Variants in RTF1 observed in about 807,000 individuals in gnomAD.
RTF1 encodes the protein RNA polymerase-associated protein RTF1 homolog.
A neutral mutation model predicts 95.7 loss-of-function variants in RTF1; 10 were observed. That is an observed-to-expected ratio of 0.10 (90% confidence interval 0.06 to 0.18). The LOEUF (loss-of-function observed/expected upper bound fraction) is 0.18, where lower values mean the gene tolerates loss of function less well. RTF1 is among the 10% of genes least tolerant of loss of function. RTF1 has a pLI of 1.00. For missense variants in RTF1, 458 were observed against 875.6 expected, an observed-to-expected ratio of 0.52 and a Z score of 6.02; for synonymous variants, 305 against 311.8, an observed-to-expected ratio of 0.98 and a Z score of 0.23.
intron 2 of RTF1, among the ~76,000 whole-genome samples, chr15:41,446,447 TC>T (rs1160831532): frequency 6.6e-6 from 1 of 151,900 alleles, no homozygotes; most frequent in Admixed American, 6.6e-5. Flanking sequence ...ACGCCTGTAG[TC>T]CCAGCTACTC....
At chr15:41,438,200 A>G (rs553259983) in intron 1 of RTF1, 121 bp from the exon 2 acceptor site, 7 of 558,860 alleles carry the variant, frequency 1.3e-5, no homozygotes, top group Non-Finnish European at 2.2e-5. Flanking sequence ...TCCCTGTGAC[A>G]ATGTCCTTTA....
At chr15:41,420,121 G>A (rs528080412) in intron 1 of RTF1, among the ~76,000 whole-genome samples, 13 of 152,058 alleles carry the variant, frequency 8.5e-5, no homozygotes, top group African/African-American at 3.1e-4. Context: ...GTGCTTGGCC[G>A]GAATTGCAAT....
In RTF1 at chr15:41,449,227, A is replaced by ATTTTTTTTTT. The variant is rs34660598; in HGVS notation, c.310-3662_310-3653dup. Among the ~76,000 whole-genome samples, 99 of 109,282 alleles carry ATTTTTTTTTT rather than the reference A, an allele frequency of 9.1e-4. 3 individuals are homozygous for ATTTTTTTTTT. The highest frequency in any genetic ancestry group is 3.6e-3 in the African/African-American group (95 of 26,386). The allele number at this position is 109,282 out of a possible 152,430, so 71.7% of individuals were successfully genotyped here. A position where few individuals can be genotyped will look rare whatever the true frequency, so the allele number is the denominator to read the frequency against. Reference sequence around the variant, plus strand: ...TTGTCCCTGTTGTGGAGGCAGGTGAATTTTTTTTTTTTTTTTTTTTTGAGA... The same window carrying ATTTTTTTTTT: ...TTGTCCCTGTTGTGGAGGCAGGTGAATTTTTTTTTTTTTTTTTTTTTTTTTTTTTTTGAGA... On this transcript the variant is annotated intron_variant, in intron 2 of 17. Transcript: ENST00000389629.
intron 5 of RTF1, among the ~76,000 whole-genome samples, chr15:41,465,922 G>A (rs1566846700): frequency 6.6e-6 from 1 of 152,104 alleles, no homozygotes; most frequent in Admixed American, 6.6e-5. Context: ...GAGTTTATTC[G>A]GATAATTCTT....
At chr15:41,476,378 G>C in intron 11 of RTF1, 68 bp from the exon 12 acceptor site, 1 of 1,311,362 alleles carries the variant, frequency 7.6e-7, no homozygotes, top group African/African-American at 1.4e-5. Context: ...TCCAAAATGG[G>C]CTCACTTAGC....
intron 1 of RTF1, among the ~76,000 whole-genome samples, chr15:41,421,399 T>G (rs1050296252): frequency 2.7e-5 from 4 of 150,550 alleles, no homozygotes; most frequent in Non-Finnish European, 2.9e-5. Context: ...GAGGCTGTGG[T>G]GAGCCGAGAT....
chr15:41,420,624 G>GT (rs1383129116), intron 1 of RTF1, among the ~76,000 whole-genome samples: 1 of 152,040 alleles, frequency 6.6e-6, no homozygotes, highest in Non-Finnish European at 1.5e-5. Context: ...TTCGTAAGGA[G>GT]GCCTTTTGTC....
At chr15:41,449,316 C>T (rs1015924244) in intron 2 of RTF1, among the ~76,000 whole-genome samples, 7 of 148,140 alleles carry the variant, frequency 4.7e-5, no homozygotes, top group East Asian at 2.0e-4. Context: ...CTGCAAGCTC[C>T]GCCTCCCGGG....
At chr15:41,476,770 A>G (rs2050943610) in intron 12 of RTF1, among the ~76,000 whole-genome samples, 1 of 152,216 alleles carries the variant, frequency 6.6e-6, no homozygotes, top group African/African-American at 2.4e-5. Context: ...TTCCTTTGTA[A>G]TAAAATAGAC....
Position 41,422,223 on chromosome 15 carries a change from A to ACGGAGTTT in RTF1, c.198+4912_198+4913insGAGTTTCG, listed in dbSNP as rs533156930. ...CTAATTTTTTGTATTTTCAGTAGAG[A>ACGGAGTTT]CGCTATGTTGGCCAGACTGGTCTCT... is the stretch of plus-strand genomic sequence containing the variant. On this transcript the variant is annotated intron_variant, in intron 1 of 17. Transcript: ENST00000389629. Among the ~76,000 whole-genome samples the ACGGAGTTT allele has an allele frequency of 2.5e-3, 373 of 152,012 alleles. 1 individual carries two copies. Among genetic ancestry groups the ACGGAGTTT allele is most frequent in the African/African-American group, 8.5e-3 (354 of 41,436 alleles).
chr15:41,475,548 T>C lies in RTF1; in HGVS notation c.1310T>C (p.Phe437Ser). The C allele has an allele frequency of 6.2e-7, 1 of 1,614,196 alleles. No homozygotes were observed. Among genetic ancestry groups the C allele is most frequent in the Non-Finnish European group, 8.5e-7 (1 of 1,180,020 alleles). The change falls in exon 10 of 18, where the codon TTC becomes TCC. Residue 437 changes from phenylalanine (F) to serine (S), a missense_variant. Around this residue, in one of 11 missense-constraint regions of RTF1, gnomAD observed 150 missense variants for 275.7 expected, o/e 0.54. Transcript: ENST00000389629. ...AGGCATGGCAATGACCAACGCGTGT[T>C]CCGTTTAGAGTTTGTCTCAAACCAA... ...QLRHGNDQRV[F>S]RLEFVSNQEF...
rs1431587119 is a variant in RTF1, at chr15:41,438,290, A to G, written c.199-31A>G. The G allele has an allele frequency of 2.1e-6, 3 of 1,431,902 alleles. No homozygotes were observed. The African/African-American group carries it at 4.3e-5, about 20-fold the overall frequency. 88.7% of individuals were successfully genotyped at this position (1,431,902 alleles called of 1,614,324 possible). ...CTTGGATATTCTTTCTCTGTTGAAC[A>G]AAACTGATGTGCCTATTTTTGTCCC... On this transcript the variant is annotated intron_variant, in intron 1 of 17. Coordinates refer to ENST00000389629, the MANE Select transcript of RTF1 (RefSeq NM_015138.5).
chr15:41,432,860 A>G (rs145680728), intron 1 of RTF1, among the ~76,000 whole-genome samples: 47 of 151,876 alleles, frequency 3.1e-4, no homozygotes, highest in African/African-American at 1.1e-3. Context: ...AATTGCTTGA[A>G]CCAGGAGGCC....
chr15:41,425,397 C>T lies in RTF1; in HGVS notation c.198+8084C>T, dbSNP rs970027432. ...CTGGGATTACAGGTGTGAGCCACCG[C>T]GCCTGGCCAATTTTTGTATTTTTAG... On this transcript the variant is annotated intron_variant, in intron 1 of 17. Coordinates refer to ENST00000389629, the MANE Select transcript of RTF1 (RefSeq NM_015138.5). 5.3e-5 allele frequency among the ~76,000 whole-genome samples: 8 copies of T among 152,048 alleles called. No individual in the cohort carries two copies. The South Asian group carries it at 6.2e-4, about 12-fold the overall frequency.
At chr15:41,451,469 G>A (rs118094723) in intron 2 of RTF1, among the ~76,000 whole-genome samples, 2,446 of 152,254 alleles carry the variant, frequency 0.016, 27 homozygotes, top group Middle Eastern at 0.031. Flanking sequence ...TGGCCTTGGG[G>A]TAGTTAACTG....
chr15:41,477,616 C>T, intron 14 of RTF1, 101 bp downstream of exon 14: 7 of 1,053,256 alleles, frequency 6.6e-6, no homozygotes, highest in Non-Finnish European at 4.4e-6. Flanking sequence ...ATTGAAATAA[C>T]GTAGGCACTT....
intron 2 of RTF1, chr15:41,440,378 TG>T (rs2050727250): frequency 1.3e-5 from 2 of 151,654 alleles, no homozygotes; most frequent in South Asian, 2.1e-4. Flanking sequence ...TTAGTAGAGA[TG>T]GGGTTTCACC....
At chr15:41,434,057 C>G (rs930099621) in intron 1 of RTF1, among the ~76,000 whole-genome samples, 2 of 151,718 alleles carry the variant, frequency 1.3e-5, no homozygotes. Flanking sequence ...GTTGGTCAGG[C>G]TGGTCTCGAA....
intron 1 of RTF1, among the ~76,000 whole-genome samples, chr15:41,434,225 CT>C (rs1252374230): frequency 1.3e-5 from 2 of 151,550 alleles, no homozygotes; most frequent in Non-Finnish European, 2.9e-5. Context: ...TCAAGCGGTC[CT>C]CCCACCTTGG....
Sources: gnomAD v4.1 joint callset for allele counts (sites outside exome capture counted in the v4.1 genomes callset) on GRCh38, gnomAD v4.1.1 for gene constraint, gnomAD v4.1.1 regional missense constraint, MANE v1.5 for transcripts, NCBI Gene and HGNC (gene_info 2026-07-23, HGNC 2026-07-21) for gene names.